Variants in DCHS2 observed in about 807,000 individuals in gnomAD.
DCHS2 encodes the protein dachsous cadherin-related 2, also known as protocadherin-23.
In DCHS2, 142 loss-of-function variants were observed where a neutral mutation model predicts 182.4. That is an observed-to-expected ratio of 0.78 (90% CI 0.68 to 0.89). DCHS2 has a LOEUF of 0.89. DCHS2 is among the 40% of genes least tolerant of loss of function. The pLI is 0.00. For synonymous variants in DCHS2, 1,740 were observed against 1,663.3 expected (o/e 1.05, Z -1.12); for missense variants, 4,319 against 4,198.6 (o/e 1.03, Z -0.79).
chr4:154,235,196 C>A lies in DCHS2; in HGVS notation c.9456G>T (p.Met3152Ile). The change falls in exon 20 of 20, where the codon ATG becomes ATT. Residue 3152 changes from methionine (M) to isoleucine (I), a missense_variant. By Grantham distance (10) the Met-to-Ile change is conservative. Transcript: ENST00000357232. ...LSCLSGETDV[M>I]VTAETAEASQ... The stretch of plus-strand genomic sequence containing the variant: ...TGGCTTCTGCTGTTTCGGCAGTCAC[C>A]ATCACATCAGTTTCCCCAGATAGGC... 1 of 1,614,062 alleles carries A rather than the reference C, an allele frequency of 6.2e-7. No homozygotes were observed. Among genetic ancestry groups the A allele is most frequent in the Non-Finnish European group, 8.5e-7 (1 of 1,179,960 alleles).
chr4:154,331,773 T>G, intron 5 of DCHS2: 1 of 1,532,060 alleles, frequency 6.5e-7, no homozygotes, highest in South Asian at 1.3e-5. Flanking sequence ...GGTGTACTAC[T>G]CGAGCTATCT....
chr4:154,483,288 C>A (rs1042658730), intron 1 of DCHS2, among the ~76,000 whole-genome samples: 1 of 152,136 alleles, frequency 6.6e-6, no homozygotes, highest in African/African-American at 2.4e-5. Context: ...AGAAAAAAAT[C>A]TAGATTAAAA....
intron 1 of DCHS2, among the ~76,000 whole-genome samples, chr4:154,398,163 G>T (rs1410829738): frequency 6.6e-6 from 1 of 152,082 alleles, no homozygotes; most frequent in Non-Finnish European, 1.5e-5. Flanking sequence ...TCGCCATAAG[G>T]CCTTACACTA....
chr4:154,477,816 T>C (rs1397143399), intron 1 of DCHS2, among the ~76,000 whole-genome samples: 9 of 152,182 alleles, frequency 5.9e-5, no homozygotes, highest in African/African-American at 2.2e-4. Context: ...CAATCCTAGG[T>C]GGTTCTTATC....
intron 3 of DCHS2, chr4:154,354,576 T>C (rs891956513): frequency 6.6e-6 from 1 of 152,234 alleles, no homozygotes; most frequent in Non-Finnish European, 1.5e-5. Context: ...TTATAACTAG[T>C]TTTTCTATTC....
At chr4:154,356,255 T>C (rs369754974) in intron 3 of DCHS2, among the ~76,000 whole-genome samples, 100 of 152,208 alleles carry the variant, frequency 6.6e-4, no homozygotes, top group African/African-American at 2.2e-3. Flanking sequence ...GAAAAGCTTA[T>C]ACAATAAGGA....
At chr4:154,261,027 A>C (rs1356196315) in intron 14 of DCHS2, among the ~76,000 whole-genome samples, 3 of 152,132 alleles carry the variant, frequency 2.0e-5, no homozygotes, top group African/African-American at 7.2e-5. Context: ...TTTCCGACTC[A>C]ATGTATTATT....
In DCHS2 at chr4:154,253,925, T is replaced by C. The variant is rs533101233; in HGVS notation, c.6941+1594A>G. ...ATACTGACACTCACTGTCTTTGGTATACTGTACCTGTGTTTTCCTTAAACA... is the reference window on the plus strand; with the variant it reads ...ATACTGACACTCACTGTCTTTGGTACACTGTACCTGTGTTTTCCTTAAACA... On this transcript the variant is annotated intron_variant, in intron 16 of 19. Coordinates refer to ENST00000357232, the MANE Select transcript of DCHS2 (RefSeq NM_001358235.2). Among the ~76,000 whole-genome samples the C allele has an allele frequency of 2.6e-5, 4 of 152,330 alleles. No individual in the cohort carries two copies. The East Asian group carries it at 5.8e-4, about 22-fold the overall frequency.
chr4:154,424,348 G>A (rs1017435685), intron 1 of DCHS2, among the ~76,000 whole-genome samples: 1 of 152,178 alleles, frequency 6.6e-6, no homozygotes, highest in African/African-American at 2.4e-5. Context: ...CCAAGCAAAT[G>A]TGTGTACTCT....
At chr4:154,267,986 C>G (rs1267718119) in intron 14 of DCHS2, among the ~76,000 whole-genome samples, 1 of 152,184 alleles carries the variant, frequency 6.6e-6, no homozygotes, top group Non-Finnish European at 1.5e-5. Context: ...AAATTGAACA[C>G]GTTTTTCTAT....
chr4:154,375,436 G>A (rs1236387552), intron 2 of DCHS2, among the ~76,000 whole-genome samples: 3 of 151,972 alleles, frequency 2.0e-5, no homozygotes, highest in African/African-American at 7.2e-5. Context: ...TCGAAAAAAG[G>A]ACTTTCAGGC....
chr4:154,276,938 A>G (rs183509995), intron 13 of DCHS2, among the ~76,000 whole-genome samples: 1 of 152,274 alleles, frequency 6.6e-6, no homozygotes, highest in East Asian at 1.9e-4. Context: ...TGATATTATG[A>G]AAATATTATG....
At chr4:154,329,415 T>C in intron 6 of DCHS2, 108 bp downstream of exon 6, 1 of 1,152,966 alleles carries the variant, frequency 8.7e-7, no homozygotes, top group South Asian at 1.5e-5. Context: ...AAAGTATGCT[T>C]TGCCACACCA....
At chr4:154,316,244 T>C (rs1735852068) in intron 9 of DCHS2, among the ~76,000 whole-genome samples, 1 of 152,208 alleles carries the variant, frequency 6.6e-6, no homozygotes, top group Non-Finnish European at 1.5e-5. Flanking sequence ...TGCAATTATC[T>C]ACTGAGAGGA....
At position 154,239,263 on chromosome 4, in the gene DCHS2, G is replaced by A; in HGVS notation, c.7399C>T (p.Leu2467=). The part of the protein sequence containing the change: ...PESIPVGYSV[L]TLSATDLESN... ...TCTAAGTCTGTGGCTGACAGAGTCA[G>A]CACTGAATACCCCACAGGTATTGAT... is the stretch of plus-strand genomic sequence containing the variant. Residue 2467 remains leucine (L), a synonymous_variant, in exon 19 of 20, where the codon CTG becomes TTG. Coordinates refer to ENST00000357232, the MANE Select transcript of DCHS2 (RefSeq NM_001358235.2). 1 of 1,613,476 alleles carries A rather than the reference G, an allele frequency of 6.2e-7. No individual in the cohort carries two copies. The highest frequency in any genetic ancestry group is 8.5e-7 in the Non-Finnish European group (1 of 1,179,692).
rs372181780 is a variant in DCHS2, at chr4:154,338,632, G to C, written c.2477-3528C>G. On this transcript the variant is annotated intron_variant, in intron 3 of 19. Coordinates refer to ENST00000357232, the MANE Select transcript of DCHS2 (RefSeq NM_001358235.2). ...TACTCTATATTTGTGTAAGTACACA[G>C]AAATAAATCAAGAGGATGTCATTTG... 4.7e-4 allele frequency among the ~76,000 whole-genome samples: 71 copies of C among 152,220 alleles called. No individual in the cohort carries two copies. The South Asian group carries it at 0.012, about 26-fold the overall frequency.
chr4:154,289,836 G>A (rs1232334562), intron 13 of DCHS2, among the ~76,000 whole-genome samples: 1 of 151,954 alleles, frequency 6.6e-6, no homozygotes, highest in Non-Finnish European at 1.5e-5. Flanking sequence ...AGGACCATAT[G>A]ATTATTTCAA....
At chr4:154,438,003 C>T (rs911930057) in intron 1 of DCHS2, among the ~76,000 whole-genome samples, 1 of 151,980 alleles carries the variant, frequency 6.6e-6, no homozygotes, top group Admixed American at 6.6e-5. Flanking sequence ...GAGAACCTGT[C>T]TCCTAAAAAA....
chr4:154,440,815 T>C (rs1437802086), intron 1 of DCHS2, among the ~76,000 whole-genome samples: 1 of 152,056 alleles, frequency 6.6e-6, no homozygotes, highest in Non-Finnish European at 1.5e-5. Flanking sequence ...AAGAGAGGCA[T>C]TTAAAAAAAT....
Sources: allele counts gnomAD v4.1 joint callset (sites outside exome capture counted in the v4.1 genomes callset), GRCh38; gene constraint gnomAD v4.1.1; transcripts MANE v1.5; gene names NCBI Gene and HGNC (gene_info 2026-07-23, HGNC 2026-07-21).